The following GLIS3 variants were observed in gnomAD, a reference collection of about 807,000 sequenced individuals.
GLIS3 encodes the protein zinc finger protein GLIS3.
Under a neutral mutation model 78.6 loss-of-function variants are expected in GLIS3, and 53 were observed. The observed-to-expected ratio is 0.67, with a 90% CI of 0.54 to 0.85. The LOEUF (loss-of-function observed/expected upper bound fraction) is 0.85. Ranked by LOEUF, GLIS3 falls within the 40% of genes least tolerant of loss-of-function variation. The probability of loss-of-function intolerance (pLI) is 0.00; values close to 1 mark genes in which losing one functional copy is unlikely to be tolerated. For synonymous variants in GLIS3, 684 were observed against 509.9 expected (o/e 1.34, Z -4.60); for missense variants, 1,703 against 1,231.1 (o/e 1.38, Z -5.74).
the GLIS3 span, among the ~76,000 whole-genome samples, chr9:4,370,686 T>C: frequency 6.7e-6 from 1 of 150,190 alleles, no homozygotes; most frequent in Non-Finnish European, 1.5e-5. Context: ...TAGAGTGTAT[T>C]TTATATTCTG....
At chr9:3,949,914 C>T (rs182420459) in intron 4 of GLIS3, among the ~76,000 whole-genome samples, 8 of 152,338 alleles carry the variant, frequency 5.3e-5, no homozygotes, top group Middle Eastern at 3.4e-3. Flanking sequence ...CGTTGTTAAA[C>T]TTGGCCTAGA....
At chr9:4,404,782 A>G in the GLIS3 span, among the ~76,000 whole-genome samples, 1 of 152,162 alleles carries the variant, frequency 6.6e-6, no homozygotes. Flanking sequence ...CTTCAAATAA[A>G]TAAGCTAATG....
chr9:4,449,697 C>T, the GLIS3 span, among the ~76,000 whole-genome samples: 2 of 152,162 alleles, frequency 1.3e-5, no homozygotes, highest in Non-Finnish European at 2.9e-5. Flanking sequence ...GATACCTAGG[C>T]AAGAGGGTCT....
At chr9:4,077,119 G>C (rs1030869191) in intron 4 of GLIS3, among the ~76,000 whole-genome samples, 1 of 152,140 alleles carries the variant, frequency 6.6e-6, no homozygotes, top group African/African-American at 2.4e-5. Context: ...TATCTGCTGA[G>C]TATTCCACAG....
At chr9:4,277,078 T>C (rs1442572550) in intron 2 of GLIS3, among the ~76,000 whole-genome samples, 1 of 152,142 alleles carries the variant, frequency 6.6e-6, no homozygotes, top group Non-Finnish European at 1.5e-5. Context: ...AGGTAATATA[T>C]TAACTGCATC....
At chr9:3,992,436 C>A (rs773781862) in intron 4 of GLIS3, among the ~76,000 whole-genome samples, 2 of 152,056 alleles carry the variant, frequency 1.3e-5, no homozygotes, top group African/African-American at 4.8e-5. Flanking sequence ...GAGAAGAGTT[C>A]AAAAAAACTG....
chr9:4,182,263 G>A (rs539462172), intron 2 of GLIS3, among the ~76,000 whole-genome samples: 9 of 152,192 alleles, frequency 5.9e-5, no homozygotes, highest in African/African-American at 1.2e-4. Flanking sequence ...AATTTTTTTG[G>A]AATGTGAATC....
chr9:4,067,596 C>T (rs1244283561), intron 4 of GLIS3, among the ~76,000 whole-genome samples: 1 of 152,054 alleles, frequency 6.6e-6, no homozygotes, highest in Non-Finnish European at 1.5e-5. Context: ...AGTTTATCTC[C>T]TCAAATTCAA....
intron 2 of GLIS3, among the ~76,000 whole-genome samples, chr9:4,228,121 C>A (rs1161510504): frequency 7.1e-6 from 1 of 140,116 alleles, no homozygotes; most frequent in Non-Finnish European, 1.5e-5. Flanking sequence ...GCCTTGTTGT[C>A]AGGGAATACA....
chr9:4,017,139 C>A (rs1025047449), intron 4 of GLIS3, among the ~76,000 whole-genome samples: 1 of 152,150 alleles, frequency 6.6e-6, no homozygotes, highest in Non-Finnish European at 1.5e-5. Flanking sequence ...CACCACACTG[C>A]CACCCAGATA....
the GLIS3 span, among the ~76,000 whole-genome samples, chr9:4,417,933 A>C: frequency 5.3e-5 from 8 of 152,152 alleles, no homozygotes; most frequent in Non-Finnish European, 1.0e-4. Flanking sequence ...GGGGTTGGGG[A>C]ACAATTGATA....
intron 7 of GLIS3, among the ~76,000 whole-genome samples, chr9:3,889,571 C>G (rs1028302868): frequency 6.6e-6 from 1 of 152,180 alleles, no homozygotes; most frequent in African/African-American, 2.4e-5. Context: ...ATAATACATT[C>G]TCCTCTTTAA....
At chr9:4,439,952 G>C in the GLIS3 span, among the ~76,000 whole-genome samples, 1 of 152,090 alleles carries the variant, frequency 6.6e-6, no homozygotes, top group African/African-American at 2.4e-5. Flanking sequence ...CAAAATGCTG[G>C]GATTACAGGC....
intron 4 of GLIS3, among the ~76,000 whole-genome samples, chr9:4,020,010 C>T (rs1822752161): frequency 6.6e-6 from 1 of 152,154 alleles, no homozygotes; most frequent in Non-Finnish European, 1.5e-5. Context: ...CACCTCCTCC[C>T]AAAGCACTGG....
chr9:4,437,753 C>T, the GLIS3 span, among the ~76,000 whole-genome samples: 1 of 152,182 alleles, frequency 6.6e-6, no homozygotes, highest in Non-Finnish European at 1.5e-5. Flanking sequence ...ACCTCTTCCT[C>T]CTCTTCCTCA....
intron 7 of GLIS3, among the ~76,000 whole-genome samples, chr9:3,887,748 G>A (rs1055975887): frequency 2.1e-4 from 32 of 152,118 alleles, no homozygotes; most frequent in African/African-American, 7.5e-4. Context: ...GTACCATCAA[G>A]CATTCCTAAA....
At chr9:4,093,587 T>C (rs1489686200) in intron 4 of GLIS3, among the ~76,000 whole-genome samples, 2 of 152,180 alleles carry the variant, frequency 1.3e-5, no homozygotes, top group East Asian at 1.9e-4. Flanking sequence ...CAAATGCTTA[T>C]TATGGGCTTG....
rs192355401 is a variant in GLIS3 at position 4,244,964 on chromosome 9, T to C, written c.388+41074A>G. 2.6e-5 allele frequency among the ~76,000 whole-genome samples: 4 copies of C among 152,320 alleles called. No homozygotes were observed. The East Asian group carries it at 7.7e-4, about 29-fold the overall frequency. On this transcript the variant is annotated intron_variant, in intron 2 of 10. Coordinates refer to ENST00000381971, the MANE Select transcript of GLIS3 (RefSeq NM_001042413.2). ...TCTCATTCTACGTTAAAGAATACTT[T>C]TAAATTATAGAAGAGTTATCCAAGA...
chr9:3,940,083 A>T (rs1274513001), intron 4 of GLIS3, among the ~76,000 whole-genome samples: 1 of 152,226 alleles, frequency 6.6e-6, no homozygotes, highest in East Asian at 1.9e-4. Context: ...ATATTATGGG[A>T]ATAACCCTGT....
Sources: gnomAD v4.1 joint callset for allele counts (sites outside exome capture counted in the v4.1 genomes callset) on GRCh38, gnomAD v4.1.1 for gene constraint, MANE v1.5 for transcripts, NCBI Gene and HGNC (gene_info 2026-07-23, HGNC 2026-07-21) for gene names.